AP2A1: variants seen among roughly 807,000 people sequenced by gnomAD.
AP2A1 encodes adaptor related protein complex 2 subunit alpha 1.
AP2A1 carries 21 observed loss-of-function variants against 107.3 expected under a neutral mutation model. The ratio of observed to expected loss-of-function variants is 0.20; its 90% CI spans 0.14 to 0.28. The LOEUF is 0.28. AP2A1 is among the 10% of genes least tolerant of loss of function. The probability of loss-of-function intolerance (pLI) is 1.00; values close to 1 mark genes in which losing one functional copy is unlikely to be tolerated. For missense variants in AP2A1, 873 were observed against 1,307.7 expected, an observed-to-expected ratio of 0.67 and a Z score of 5.13; for synonymous variants, 602 against 564.8, an observed-to-expected ratio of 1.07 and a Z score of -0.93.
intron 1 of AP2A1, among the ~76,000 whole-genome samples, chr19:49,776,526 G>C (rs985324836): frequency 6.6e-6 from 1 of 152,162 alleles, no homozygotes; most frequent in African/African-American, 2.4e-5. Flanking sequence ...GGGTAGATGT[G>C]ACTCATCCTT....
intron 4 of AP2A1, among the ~76,000 whole-genome samples, chr19:49,791,554 G>T (rs941639280): frequency 6.6e-6 from 1 of 152,086 alleles, no homozygotes; most frequent in African/African-American, 2.4e-5. Context: ...ATGTGTTTTC[G>T]TGGTGCTGTC....
intron 15 of AP2A1, chr19:49,802,456 G>T (rs1007062020): frequency 6.5e-6 from 9 of 1,383,560 alleles, no homozygotes; most frequent in Non-Finnish European, 8.0e-6. Context: ...TCTCTCTTCT[G>T]CCCTCTCGCT....
rs753631583 is a variant in AP2A1, at chr19:49,793,125, T to A, written c.705+33T>A. 2.0e-5 allele frequency: 31 copies of A among 1,554,966 alleles called. No homozygotes were observed. The Admixed American group carries it at 2.4e-4, about 12-fold the overall frequency. On this transcript the variant is annotated intron_variant, in intron 6 of 22. Transcript: ENST00000354293. ...TGGCCTAGATATTGGCTGCTGGAGGTGGCCCTGGCATCCCTATGCCCTCTG... is the reference window on the plus strand; with the variant it reads ...TGGCCTAGATATTGGCTGCTGGAGGAGGCCCTGGCATCCCTATGCCCTCTG...
At chr19:49,768,146 C>G (rs1426672176) in intron 1 of AP2A1, among the ~76,000 whole-genome samples, 2 of 152,040 alleles carry the variant, frequency 1.3e-5, no homozygotes, top group East Asian at 3.9e-4. Context: ...AGGGGTCAGG[C>G]AGCAGGACAG....
At chr19:49,787,314 C>T (rs1344776414) in intron 4 of AP2A1, among the ~76,000 whole-genome samples, 1 of 148,418 alleles carries the variant, frequency 6.7e-6, no homozygotes, top group Admixed American at 6.8e-5. Context: ...TGAGCCACCA[C>T]TCCCATCTAG....
rs1046474080 is a variant in AP2A1 at position 49,806,975 on chromosome 19, C to G, written c.*217C>G. On this transcript the variant is annotated 3_prime_UTR_variant, in exon 23 of 23. Transcript: ENST00000354293. ...GGGGAGTCCCCCTCCCTCCCTTTCCCCCCCAAGCACAGAGGGGAGAGGGGC... is the reference window on the plus strand; with the variant it reads ...GGGGAGTCCCCCTCCCTCCCTTTCCGCCCCAAGCACAGAGGGGAGAGGGGC... The G allele has an allele frequency of 2.0e-6, 3 of 1,530,494 alleles. No homozygotes were observed. The highest frequency in any genetic ancestry group is 1.2e-5 in the South Asian group (1 of 83,100). The allele number at this position is 1,530,494 out of a possible 1,614,324, so 94.8% of individuals were successfully genotyped here.
intron 18 of AP2A1, chr19:49,805,228 T>C (rs1209172387): frequency 3.9e-6 from 2 of 509,360 alleles, no homozygotes; most frequent in East Asian, 6.1e-5. Context: ...TATGTCTCAG[T>C]GCGGTGTGAC....
At chr19:49,775,039 CA>C (rs1289342310) in intron 1 of AP2A1, among the ~76,000 whole-genome samples, 3 of 151,838 alleles carry the variant, frequency 2.0e-5, no homozygotes, top group Non-Finnish European at 2.9e-5. Flanking sequence ...GCCTAGGCAA[CA>C]AGATCCTGTC....
At position 49,802,093 on chromosome 19, in the gene AP2A1, C is replaced by T. The variant is rs1400091010; in HGVS notation, c.2066C>T (p.Pro689Leu). The T allele has an allele frequency of 5.7e-6, 9 of 1,591,040 alleles. No homozygotes were observed. Among genetic ancestry groups the T allele is most frequent in the South Asian group, 2.2e-5 (2 of 89,456 alleles). ...CTTCTGGTGGACGTCTTCGATGGCC[C>T]GGCCGCCCAGCCCAGCCTGGGGCCC... The part of the protein sequence containing the change: ...GNLLVDVFDG[P>L]AAQPSLGPTP... The change falls in exon 15 of 23, where the codon CCG (proline) becomes CTG (leucine). Residue 689 changes from proline to leucine, a missense_variant. Physicochemically the swap from Pro to Leu is moderately conservative, Grantham distance 98. Coordinates refer to ENST00000354293, the MANE Select transcript of AP2A1 (RefSeq NM_130787.3).
At chr19:49,789,582 CG>C in intron 4 of AP2A1, among the ~76,000 whole-genome samples, 1 of 145,214 alleles carries the variant, frequency 6.9e-6, no homozygotes, top group Admixed American at 6.9e-5. Context: ...TGAGCCACTG[CG>C]CCTGGCCTTT....
chr19:49,767,126 C>A lies in AP2A1; in HGVS notation c.-8C>A. Reference sequence around the variant, plus strand: ...CCGGCCAGGCCTGGAGCCGACACCACCGCCATCATGCCGGCCGTGTCCAAG... The same window carrying A: ...CCGGCCAGGCCTGGAGCCGACACCAACGCCATCATGCCGGCCGTGTCCAAG... On this transcript the variant is annotated 5_prime_UTR_variant, in exon 1 of 23. Transcript: ENST00000354293. 6.2e-7 allele frequency: 1 copy of A among 1,610,924 alleles called. No homozygotes were observed. Among genetic ancestry groups the A allele is most frequent in the Non-Finnish European group, 8.5e-7 (1 of 1,179,568 alleles).
chr19:49,796,458 G>C (rs1355923342), intron 7 of AP2A1: 1 of 152,342 alleles, frequency 6.6e-6, no homozygotes, highest in African/African-American at 2.4e-5. Flanking sequence ...CCTGTGCTGA[G>C]GGGCTTGGCA....
At chr19:49,777,908 A>G (rs933663438) in intron 1 of AP2A1, among the ~76,000 whole-genome samples, 2 of 152,088 alleles carry the variant, frequency 1.3e-5, no homozygotes, top group African/African-American at 4.8e-5. Context: ...AACCTCAGTG[A>G]AAGAGTGAGA....
At chr19:49,803,052 C>T (rs745873455) in intron 16 of AP2A1, 47 bp downstream of exon 16, 1 of 1,613,644 alleles carries the variant, frequency 6.2e-7, no homozygotes. Context: ...AGGTGCGGAG[C>T]CCAGGCCAGG....
intron 1 of AP2A1, among the ~76,000 whole-genome samples, chr19:49,770,253 C>T (rs1457698305): frequency 6.6e-6 from 1 of 152,104 alleles, no homozygotes; most frequent in Non-Finnish European, 1.5e-5. Flanking sequence ...ATCGTCCCGT[C>T]ACTGCAGGAC....
At chr19:49,780,094 G>A (rs777071744) in intron 1 of AP2A1, among the ~76,000 whole-genome samples, 4 of 152,246 alleles carry the variant, frequency 2.6e-5, no homozygotes, top group Non-Finnish European at 5.9e-5. Flanking sequence ...CCTGAAGGAT[G>A]TGGGTCAGAG....
chr19:49,801,126 C>T, intron 12 of AP2A1, 68 bp downstream of exon 12: 3 of 1,426,884 alleles, frequency 2.1e-6, no homozygotes, highest in Non-Finnish European at 2.8e-6. Context: ...TGGGGGATCC[C>T]CAGGGGTCTC....
chr19:49,801,836 G>C lies in AP2A1; in HGVS notation c.1900G>C (p.Asp634His), dbSNP rs1374740846. ...CAGCGCCCTGGACGATGGCCGGAGGGACCCCAGCAGCAACGACATCAACGG... is the reference window on the plus strand; with the variant it reads ...CAGCGCCCTGGACGATGGCCGGAGGCACCCCAGCAGCAACGACATCAACGG... ...AGSALDDGRR[D>H]PSSNDINGGM... is the part of the protein sequence containing the mutation. The change falls in exon 14 of 23, where the codon GAC (aspartate) becomes CAC (histidine). Residue 634 changes from aspartate to histidine, a missense_variant. By Grantham distance (81) the Asp-to-His change is moderately conservative (BLOSUM62 -1). Coordinates refer to ENST00000354293, the MANE Select transcript of AP2A1 (RefSeq NM_130787.3). 1 of 1,516,038 alleles carries C rather than the reference G, an allele frequency of 6.6e-7. No individual in the cohort carries two copies. Among genetic ancestry groups the C allele is most frequent in the African/African-American group, 1.4e-5 (1 of 72,214 alleles). The allele number at this position is 1,516,038 out of a possible 1,614,324, so 93.9% of individuals were successfully genotyped here.
chr19:49,789,943 G>T, intron 4 of AP2A1, among the ~76,000 whole-genome samples: 1 of 152,178 alleles, frequency 6.6e-6, no homozygotes, highest in East Asian at 1.9e-4. Flanking sequence ...CTAGGAGCTG[G>T]GTTATGGTTG....
Sources: gnomAD v4.1 joint callset for allele counts (sites outside exome capture counted in the v4.1 genomes callset) on GRCh38, gnomAD v4.1.1 for gene constraint, MANE v1.5 for transcripts, NCBI Gene and HGNC (gene_info 2026-07-23, HGNC 2026-07-21) for gene names.